LIFR: variants seen among roughly 807,000 people sequenced by gnomAD.
The protein encoded by LIFR is LIF receptor subunit alpha.
LIFR carries 84 observed loss-of-function variants against 122.2 expected under a neutral mutation model. The observed-to-expected ratio is 0.69, with a 90% CI of 0.58 to 0.82. The LOEUF (loss-of-function observed/expected upper bound fraction) is 0.82. Ranked by LOEUF, LIFR falls within the 40% of genes least tolerant of loss-of-function variation. The pLI is 0.00. For missense variants in LIFR, 1,294 were observed against 1,311.6 expected (o/e 0.99, Z 0.21); for synonymous variants, 422 against 434.7 (o/e 0.97, Z 0.36).
At chr5:38,542,473 T>C (rs1223217206) in intron 1 of LIFR, among the ~76,000 whole-genome samples, 6 of 152,104 alleles carry the variant, frequency 3.9e-5, no homozygotes, top group African/African-American at 1.2e-4. Flanking sequence ...TTGGGGCCTC[T>C]TTCCCTCAGC....
At chr5:38,493,535 C>T (rs371240074) in intron 14 of LIFR, 71 bp downstream of exon 14, 1 of 1,403,584 alleles carries the variant, frequency 7.1e-7, no homozygotes, top group Non-Finnish European at 1.0e-6. Context: ...CACTTCACTG[C>T]ACCCAGTCTT....
At chr5:38,482,306 A>C in intron 19 of LIFR, 88 bp from the exon 20 acceptor site, 1 of 1,312,752 alleles carries the variant, frequency 7.6e-7, no homozygotes, top group Non-Finnish European at 1.0e-6. Context: ...ATTTTTCCCC[A>C]ATCTGCTTGT....
In LIFR at chr5:38,485,988, TA is replaced by T; in HGVS notation, c.2336-9del. On this transcript the variant is annotated splice_polypyrimidine_tract_variant and intron_variant, in intron 16 of 19. Transcript: ENST00000453190. ...CTTTTATGTCAGAACGACCTATTTTTAAAATGAAGTATGTTAGCACTAATCT... is the reference window on the plus strand; with the variant it reads ...CTTTTATGTCAGAACGACCTATTTTTAAATGAAGTATGTTAGCACTAATCT... 1 of 1,608,176 alleles carries T rather than the reference TA, an allele frequency of 6.2e-7. No individual in the cohort carries two copies. The highest frequency in any genetic ancestry group is 8.5e-7 in the Non-Finnish European group (1 of 1,174,550).
At chr5:38,505,726 T>A (rs1310054579) in intron 9 of LIFR, among the ~76,000 whole-genome samples, 179 bp downstream of exon 9, 1 of 152,112 alleles carries the variant, frequency 6.6e-6, no homozygotes, top group East Asian at 1.9e-4. Context: ...TTAAATTCAA[T>A]AAAATAGTAA....
intron 1 of LIFR, among the ~76,000 whole-genome samples, chr5:38,541,056 A>G (rs773472477): frequency 2.0e-5 from 3 of 152,218 alleles, no homozygotes; most frequent in Non-Finnish European, 2.9e-5. Flanking sequence ...GACATTATTT[A>G]ACCCCAGATA....
chr5:38,601,141 A>T lies in LIFR; in HGVS notation n.305+5064T>A, dbSNP rs140435126. Among the ~76,000 whole-genome samples, 158 of 152,338 alleles carry T rather than the reference A, an allele frequency of 1.0e-3. No individual in the cohort carries two copies. The Middle Eastern group carries it at 0.02, about 20-fold the overall frequency. On this transcript the variant is annotated intron_variant and non_coding_transcript_variant, in intron 2 of 3. Coordinates refer to the LIFR transcript ENST00000507786. ...AAGGTATTTAGGATTAGACGAGGTTACAAGATGGAGCCTTCATGCATGGGA... is the reference window on the plus strand; with the variant it reads ...AAGGTATTTAGGATTAGACGAGGTTTCAAGATGGAGCCTTCATGCATGGGA...
chr5:38,503,668 AAT>A (rs1745301280), intron 10 of LIFR, among the ~76,000 whole-genome samples: 1 of 152,230 alleles, frequency 6.6e-6, no homozygotes, highest in South Asian at 2.1e-4. Flanking sequence ...GTCTAGTGCC[AAT>A]TCATCCATTA....
rs1265733205 is a variant in LIFR, at chr5:38,530,495, G to A, written c.142+11C>T. On this transcript the variant is annotated intron_variant, in intron 2 of 19. Coordinates refer to ENST00000453190, the MANE Select transcript of LIFR (RefSeq NM_001127671.2). Reference sequence around the variant, plus strand: ...CAATCTGTTCATTCTCTGGAAGGCTGATGCACTTACCCTTTTTCTGGCTAT... The same window carrying A: ...CAATCTGTTCATTCTCTGGAAGGCTAATGCACTTACCCTTTTTCTGGCTAT... 6.2e-7 allele frequency: 1 copy of A among 1,607,426 alleles called. No individual in the cohort carries two copies. Among genetic ancestry groups the A allele is most frequent in the East Asian group, 2.2e-5 (1 of 44,822 alleles).
chr5:38,566,228 A>G (rs1749020565), intron 1 of LIFR, among the ~76,000 whole-genome samples: 1 of 152,246 alleles, frequency 6.6e-6, no homozygotes, highest in African/African-American at 2.4e-5. Context: ...GCTCATAAAA[A>G]TATTAGAATT....
Position 38,479,465 on chromosome 5 carries a change from G to C in LIFR, c.*2130C>G. The C allele has an allele frequency of 4.3e-6, 1 of 230,996 alleles. No individual in the cohort carries two copies. Among genetic ancestry groups the C allele is most frequent in the Non-Finnish European group, 8.6e-6 (1 of 116,648 alleles). 14.3% of individuals were successfully genotyped at this position (230,996 alleles called of 1,614,324 possible). The stretch of plus-strand genomic sequence containing the variant: ...ACCAAACAAATGAGTCGTTATATAG[G>C]TTAGAAAGGGCCCTGGATCCAGATG... On this transcript the variant is annotated 3_prime_UTR_variant, in exon 20 of 20. Transcript: ENST00000453190.
chr5:38,499,017 C>T (rs1745036668), intron 12 of LIFR, among the ~76,000 whole-genome samples: 1 of 151,806 alleles, frequency 6.6e-6, no homozygotes, highest in South Asian at 2.1e-4. Flanking sequence ...AATATGGCAA[C>T]AAAAAATGTT....
At chr5:38,581,543 G>T (rs942272339) in intron 1 of LIFR, among the ~76,000 whole-genome samples, 1 of 152,156 alleles carries the variant, frequency 6.6e-6, no homozygotes, top group Non-Finnish European at 1.5e-5. Context: ...CAACAGCAAG[G>T]TCTATTTCTT....
chr5:38,589,870 A>G (rs940105852), intron 1 of LIFR, among the ~76,000 whole-genome samples: 1 of 152,104 alleles, frequency 6.6e-6, no homozygotes, highest in African/African-American at 2.4e-5. Flanking sequence ...AAATGCTAGA[A>G]TTGTGAGGGC....
At chr5:38,544,261 G>A (rs918671045) in intron 1 of LIFR, among the ~76,000 whole-genome samples, 2 of 152,142 alleles carry the variant, frequency 1.3e-5, no homozygotes, top group African/African-American at 2.4e-5. Context: ...ACAGCCATCA[G>A]ATCATGTCAC....
rs73077459 is a variant in LIFR, at chr5:38,487,629, C to T, written c.2335+1449G>A. 0.018 allele frequency among the ~76,000 whole-genome samples: 2,793 copies of T among 152,230 alleles called. 204 individuals carry two copies. The East Asian group carries it at 0.26, about 14-fold the overall frequency. Reference sequence around the variant, plus strand: ...TAACAATATACTGTAATAAAAATTACGTAAATATGGTCTCTCTCTTTCTTA... The same window carrying T: ...TAACAATATACTGTAATAAAAATTATGTAAATATGGTCTCTCTCTTTCTTA... On this transcript the variant is annotated intron_variant, in intron 16 of 19. Transcript: ENST00000453190.
intron 1 of LIFR, among the ~76,000 whole-genome samples, chr5:38,578,625 C>T (rs1362929885): frequency 1.3e-5 from 2 of 151,924 alleles, no homozygotes; most frequent in African/African-American, 2.4e-5. Flanking sequence ...GATCCTGGCT[C>T]ACTGCAAACT....
At chr5:38,555,540 A>AT (rs1191335040) in intron 1 of LIFR, among the ~76,000 whole-genome samples, 1 of 152,236 alleles carries the variant, frequency 6.6e-6, no homozygotes, top group Non-Finnish European at 1.5e-5. Context: ...TGTTGAAAGA[A>AT]TGTATCTTTT....
At chr5:38,533,077 T>C (rs1002802963) in intron 1 of LIFR, among the ~76,000 whole-genome samples, 12 of 152,206 alleles carry the variant, frequency 7.9e-5, no homozygotes, top group Non-Finnish European at 4.4e-5. Flanking sequence ...CCAAATATGC[T>C]GATTTTTCCA....
Position 38,480,990 on chromosome 5 carries a change from T to C in LIFR, c.*605A>G, listed in dbSNP as rs778051771. 1 of 225,078 alleles carries C rather than the reference T, an allele frequency of 4.4e-6. No individual in the cohort carries two copies. Among genetic ancestry groups the C allele is most frequent in the Non-Finnish European group, 8.9e-6 (1 of 112,642 alleles). The allele number at this position is 225,078 out of a possible 1,614,324, so 13.9% of individuals were successfully genotyped here. A position where few individuals can be genotyped will look rare whatever the true frequency, so the allele number is the denominator to read the frequency against. ...CCTGAGACAACTGTTTGATAACCAT[T>C]ATACAGTAGGCACAGAAATAAGCAT... On this transcript the variant is annotated 3_prime_UTR_variant, in exon 20 of 20. Transcript: ENST00000453190.
Sources: allele counts gnomAD v4.1 joint callset (sites outside exome capture counted in the v4.1 genomes callset), GRCh38; gene constraint gnomAD v4.1.1; transcripts MANE v1.5; gene names NCBI Gene and HGNC (gene_info 2026-07-23, HGNC 2026-07-21).